Variants in ANK2 observed in about 807,000 individuals in gnomAD.
The protein encoded by ANK2 is ankyrin-2.
In ANK2, 83 loss-of-function variants were observed where a neutral mutation model predicts 360.5. That is an observed-to-expected ratio of 0.23 (90% confidence interval 0.19 to 0.28). The LOEUF (loss-of-function observed/expected upper bound fraction) is 0.28. ANK2 is among the 10% of genes least tolerant of loss of function. The probability of loss-of-function intolerance (pLI) is 1.00; values close to 1 mark genes in which losing one functional copy is unlikely to be tolerated. For synonymous variants in ANK2, 1,740 were observed against 1,759.5 expected (o/e 0.99, Z 0.28); for missense variants, 4,201 against 4,795.7 (o/e 0.88, Z 3.66).
At chr4:112,718,794 C>T in the ANK2 span, among the ~76,000 whole-genome samples, 1 of 152,104 alleles carries the variant, frequency 6.6e-6, no homozygotes, top group Non-Finnish European at 1.5e-5. Flanking sequence ...TGTGCCACCA[C>T]ACCTGGCTAG....
At chr4:113,041,567 T>A (rs1001603273) in intron 2 of ANK2, among the ~76,000 whole-genome samples, 1 of 152,124 alleles carries the variant, frequency 6.6e-6, no homozygotes, top group African/African-American at 2.4e-5. Context: ...TTTAGCCATA[T>A]CACCAGTATA....
chr4:113,051,197 G>T lies in ANK2; in HGVS notation c.84+1385G>T, dbSNP rs551853844. Among the ~76,000 whole-genome samples, 31 of 152,234 alleles carry T rather than the reference G, an allele frequency of 2.0e-4. No homozygotes were observed. The East Asian group carries it at 5.6e-3, about 27-fold the overall frequency. ...AAAGAAAATAGAAGAGAGAGCGCGA[G>T]CAAGCAAGAGAGAGGGAAAAAGAAA... On this transcript the variant is annotated intron_variant, in intron 1 of 45. Coordinates refer to ENST00000357077, the MANE Select transcript of ANK2 (RefSeq NM_001148.6).
the ANK2 span, among the ~76,000 whole-genome samples, chr4:112,772,683 G>A: frequency 1.6e-3 from 242 of 152,334 alleles, no homozygotes; most frequent in Non-Finnish European, 2.5e-3. Flanking sequence ...AGGAGAAGAA[G>A]TGTGTGTTCA....
chr4:113,166,833 T>C (rs2097769567), intron 1 of ANK2, among the ~76,000 whole-genome samples: 2 of 152,150 alleles, frequency 1.3e-5, no homozygotes, highest in Admixed American at 6.5e-5. Context: ...GTAGTAAACA[T>C]GTTGAAGAAC....
chr4:112,708,148 G>A, the ANK2 span, among the ~76,000 whole-genome samples: 4 of 152,166 alleles, frequency 2.6e-5, no homozygotes, highest in Admixed American at 6.5e-5. Flanking sequence ...ATAGAAAAAC[G>A]GAAGGGAAAA....
chr4:112,713,064 TA>T, the ANK2 span, among the ~76,000 whole-genome samples: 1 of 152,214 alleles, frequency 6.6e-6, no homozygotes, highest in Non-Finnish European at 1.5e-5. Flanking sequence ...TCTCTGTCCA[TA>T]TAGTTTTGCC....
chr4:113,349,637 T>A (rs185314908), intron 36 of ANK2, among the ~76,000 whole-genome samples: 4 of 152,276 alleles, frequency 2.6e-5, no homozygotes, highest in Admixed American at 2.6e-4. Context: ...TTCCTTCCTG[T>A]ACTCAGTGAC....
Position 113,191,846 on chromosome 4 carries a change from C to T in ANK2, c.187-4522C>T, listed in dbSNP as rs148220968. 3.7e-3 allele frequency among the ~76,000 whole-genome samples: 566 copies of T among 152,236 alleles called. 3 individuals carry two copies. The highest frequency in any genetic ancestry group is 0.013 in the African/African-American group (545 of 41,558). ...ATTGTTTAGGACTGGAGAGACAGCA[C>T]GGGAGCTCAGATTTCCTTTTGCCCT... On this transcript the variant is annotated intron_variant, in intron 2 of 45. Coordinates refer to ENST00000357077, the MANE Select transcript of ANK2 (RefSeq NM_001148.6).
At chr4:112,743,004 G>A in the ANK2 span, among the ~76,000 whole-genome samples, 27 of 152,228 alleles carry the variant, frequency 1.8e-4, no homozygotes, top group Admixed American at 5.2e-4. Flanking sequence ...TCAGGCCAAG[G>A]CCCAAATGTT....
chr4:113,134,884 T>A (rs2096295877), intron 1 of ANK2, among the ~76,000 whole-genome samples: 1 of 152,214 alleles, frequency 6.6e-6, no homozygotes, highest in South Asian at 2.1e-4. Context: ...AGATCAATTT[T>A]ATGACCATAG....
intron 1 of ANK2, among the ~76,000 whole-genome samples, chr4:113,066,371 C>T (rs2075624247): frequency 6.6e-6 from 1 of 152,168 alleles, no homozygotes; most frequent in Admixed American, 6.5e-5. Context: ...TTTATTTATT[C>T]TTCACTTAGC....
Position 113,352,098 on chromosome 4 carries a change from GC to G in ANK2, c.4427-945del, listed in dbSNP as rs144777573. Among the ~76,000 whole-genome samples the G allele has an allele frequency of 1.1e-3, 172 of 152,148 alleles. 2 individuals are homozygous for G. Among genetic ancestry groups the G allele is most frequent in the African/African-American group, 4.0e-3 (165 of 41,526 alleles). On this transcript the variant is annotated intron_variant, in intron 37 of 45. Coordinates refer to ENST00000357077, the MANE Select transcript of ANK2 (RefSeq NM_001148.6). ...TTTTACATATCTGTTCTAAATTCCC[GC>G]CATCCTCCTGCCCATACGTTTCAGC...
At chr4:112,735,939 T>A in the ANK2 span, among the ~76,000 whole-genome samples, 1 of 152,182 alleles carries the variant, frequency 6.6e-6, no homozygotes, top group Non-Finnish European at 1.5e-5. Context: ...AGTATTTGTC[T>A]TTTTGTGATT....
At chr4:113,232,571 T>G (rs1210789132) in intron 5 of ANK2, among the ~76,000 whole-genome samples, 1 of 152,202 alleles carries the variant, frequency 6.6e-6, no homozygotes, top group African/African-American at 2.4e-5. Context: ...TCTACTCATC[T>G]CTTTTCACCA....
chr4:113,061,917 A>AT (rs1254602557), intron 1 of ANK2, among the ~76,000 whole-genome samples: 1 of 152,130 alleles, frequency 6.6e-6, no homozygotes, highest in Non-Finnish European at 1.5e-5. Context: ...GTTTACCCTG[A>AT]TGTGATTATT....
chr4:112,716,976 C>G, the ANK2 span, among the ~76,000 whole-genome samples: 1 of 152,142 alleles, frequency 6.6e-6, no homozygotes, highest in African/African-American at 2.4e-5. Context: ...TTGTCAAGTG[C>G]TACATCTGGA....
intron 1 of ANK2, chr4:112,826,683 C>T (rs1268440458): frequency 1.1e-6 from 1 of 912,052 alleles, no homozygotes; most frequent in Non-Finnish European, 1.7e-6. Context: ...ATTGACCATT[C>T]AGAAATCTGG....
At chr4:112,738,802 G>A in the ANK2 span, 2 of 624,536 alleles carry the variant, frequency 3.2e-6, no homozygotes, top group Non-Finnish European at 6.1e-6. Flanking sequence ...ATTGACAACA[G>A]GGTTCATAGA....
chr4:112,984,671 G>C (rs1377186030), intron 2 of ANK2, among the ~76,000 whole-genome samples: 1 of 152,170 alleles, frequency 6.6e-6, no homozygotes. Flanking sequence ...CTGGCTTCCT[G>C]TGTAAAGAAT....
Sources: gnomAD v4.1 joint callset for allele counts (sites outside exome capture counted in the v4.1 genomes callset) on GRCh38, gnomAD v4.1.1 for gene constraint, MANE v1.5 for transcripts, NCBI Gene and HGNC (gene_info 2026-07-23, HGNC 2026-07-21) for gene names.